TAFA1: variants seen among roughly 807,000 people sequenced by gnomAD.
TAFA1 encodes chemokine-like protein TAFA-1.
TAFA1 carries 4 observed loss-of-function variants against 18.5 expected under a neutral mutation model. The ratio of observed to expected loss-of-function variants is 0.22; its 90% CI spans 0.11 to 0.49. The LOEUF (loss-of-function observed/expected upper bound fraction) is 0.49. Among genes scored for constraint, TAFA1 ranks in the 20% least tolerant of loss-of-function variants. TAFA1 has a pLI of 0.98. For synonymous variants in TAFA1, 56 were observed against 55.2 expected (o/e 1.01, Z -0.06); for missense variants, 147 against 169.0 (o/e 0.87, Z 0.72).
intron 2 of TAFA1, among the ~76,000 whole-genome samples, chr3:68,340,977 GCATTAAATCGTGGGTAAGATGTT>G (rs1303456033): frequency 1.3e-4 from 20 of 152,276 alleles, no homozygotes; most frequent in Non-Finnish European, 2.6e-4. Context: ...GGAAGAGATA[GCATTAAATCGTGGGTAAGATGTT>G]GATGTCTAAA....
chr3:68,047,356 A>G (rs2064402200), intron 2 of TAFA1, among the ~76,000 whole-genome samples: 1 of 152,190 alleles, frequency 6.6e-6, no homozygotes, highest in South Asian at 2.1e-4. Flanking sequence ...CACATAAAAT[A>G]TGAGAAAAAT....
intron 2 of TAFA1, among the ~76,000 whole-genome samples, chr3:68,276,715 C>A (rs1221296464): frequency 6.6e-6 from 1 of 152,000 alleles, no homozygotes; most frequent in Non-Finnish European, 1.5e-5. Context: ...GTAGAGTAAA[C>A]CTCCTTTATC....
chr3:68,167,219 C>G (rs948605049), intron 2 of TAFA1, among the ~76,000 whole-genome samples: 1 of 152,180 alleles, frequency 6.6e-6, no homozygotes, highest in Admixed American at 6.5e-5. Context: ...AAACATAGCT[C>G]CCATACAGTA....
At chr3:68,311,287 G>A (rs1036040735) in intron 2 of TAFA1, among the ~76,000 whole-genome samples, 12 of 120,910 alleles carry the variant, frequency 9.9e-5, no homozygotes, top group African/African-American at 3.9e-4. Flanking sequence ...ATATCATTCT[G>A]CCCCTGGCCT....
At chr3:68,535,184 G>T (rs181411108) in intron 3 of TAFA1, among the ~76,000 whole-genome samples, 37 of 152,126 alleles carry the variant, frequency 2.4e-4, no homozygotes, top group Non-Finnish European at 4.1e-4. Flanking sequence ...ATAAACACTG[G>T]CAAACCTTGA....
chr3:68,306,314 G>A (rs943109331), intron 2 of TAFA1, among the ~76,000 whole-genome samples: 8 of 152,106 alleles, frequency 5.3e-5, no homozygotes, highest in African/African-American at 1.9e-4. Context: ...AGTGGGATTA[G>A]TGCCTAAGGG....
intron 2 of TAFA1, among the ~76,000 whole-genome samples, chr3:68,065,407 T>A (rs959579857): frequency 6.6e-6 from 1 of 152,064 alleles, no homozygotes; most frequent in Admixed American, 6.6e-5. Context: ...TGACGGGCAA[T>A]GTATTGGGTG....
chr3:68,435,951 AC>A (rs1407860992), intron 3 of TAFA1, among the ~76,000 whole-genome samples: 1 of 152,142 alleles, frequency 6.6e-6, no homozygotes, highest in East Asian at 1.9e-4. Context: ...GCTTGGCCAC[AC>A]CCCTAGATAT....
chr3:68,464,000 T>C (rs1007857113), intron 3 of TAFA1, among the ~76,000 whole-genome samples: 2 of 152,224 alleles, frequency 1.3e-5, no homozygotes, highest in African/African-American at 4.8e-5. Flanking sequence ...ATAACTGTTT[T>C]ATAGGACCCT....
At position 68,133,007 on chromosome 3, in the gene TAFA1, T is replaced by A. The variant is rs557806009; in HGVS notation, c.118+126263T>A. 9.8e-5 allele frequency among the ~76,000 whole-genome samples: 15 copies of A among 152,296 alleles called. No homozygotes were observed. In the South Asian group the frequency reaches 1.0e-3, roughly 11 times the overall value. On this transcript the variant is annotated intron_variant, in intron 2 of 4. Transcript: ENST00000478136. ...AGGGTTTTTATAGTTTTAGGTCTCA[T>A]GTGTAAGCCTTTAATCCATCTTGAG...
intron 2 of TAFA1, among the ~76,000 whole-genome samples, chr3:68,277,827 G>A (rs1229283826): frequency 1.3e-5 from 2 of 152,154 alleles, no homozygotes; most frequent in African/African-American, 4.8e-5. Context: ...GGGGATGATA[G>A]ACATTTTCCT....
At chr3:68,410,704 G>GGAAAAA (rs1559657339) in intron 2 of TAFA1, among the ~76,000 whole-genome samples, 1 of 1,378 alleles carries the variant, frequency 7.3e-4, no homozygotes, top group African/African-American at 3.0e-3. Context: ...TTTTCCATAA[G>GGAAAAA]CAAAAAAAAA....
intron 2 of TAFA1, among the ~76,000 whole-genome samples, chr3:68,292,147 T>C (rs1222472174): frequency 1.3e-5 from 2 of 152,166 alleles, no homozygotes; most frequent in East Asian, 3.9e-4. Flanking sequence ...TTATCTACTC[T>C]ATACAGTTAA....
At chr3:68,064,620 A>C (rs1330311241) in intron 2 of TAFA1, among the ~76,000 whole-genome samples, 1 of 152,168 alleles carries the variant, frequency 6.6e-6, no homozygotes, top group Non-Finnish European at 1.5e-5. Flanking sequence ...TTTTCTGCTA[A>C]TTAACACATG....
chr3:68,216,388 T>C (rs774980095), intron 2 of TAFA1, among the ~76,000 whole-genome samples: 12 of 152,036 alleles, frequency 7.9e-5, no homozygotes, highest in Non-Finnish European at 1.5e-4. Flanking sequence ...TCTATTAAAA[T>C]ATATAAAACA....
intron 2 of TAFA1, among the ~76,000 whole-genome samples, chr3:68,157,821 CT>C (rs1175030626): frequency 3.3e-5 from 5 of 152,138 alleles, no homozygotes; most frequent in African/African-American, 1.2e-4. Flanking sequence ...CAGATATCAC[CT>C]TTGGCTTTAT....
chr3:68,527,039 TAAG>T (rs545828782), intron 3 of TAFA1, among the ~76,000 whole-genome samples: 55 of 152,180 alleles, frequency 3.6e-4, no homozygotes, highest in African/African-American at 1.3e-3. Context: ...ATGTATTTAA[TAAG>T]CATGATTCCT....
At chr3:68,322,668 G>A (rs189693450) in intron 2 of TAFA1, among the ~76,000 whole-genome samples, 1 of 152,054 alleles carries the variant, frequency 6.6e-6, no homozygotes, top group Non-Finnish European at 1.5e-5. Context: ...ATAGTCAGGG[G>A]CCGGGCGCTC....
At chr3:68,225,520 A>T (rs916535719) in intron 2 of TAFA1, among the ~76,000 whole-genome samples, 1 of 152,128 alleles carries the variant, frequency 6.6e-6, no homozygotes, top group South Asian at 2.1e-4. Flanking sequence ...GTCTCCTCTC[A>T]TCTTGTCTGC....
Sources: allele counts gnomAD v4.1 joint callset (sites outside exome capture counted in the v4.1 genomes callset), GRCh38; gene constraint gnomAD v4.1.1; transcripts MANE v1.5; gene names NCBI Gene and HGNC (gene_info 2026-07-23, HGNC 2026-07-21).